Variants in DACH2 observed in about 807,000 individuals in gnomAD.
DACH2 encodes dachshund homolog 2.
DACH2 carries 17 observed loss-of-function variants against 35.8 expected under a neutral mutation model. That is an observed-to-expected ratio of 0.48 (90% CI 0.33 to 0.71). The LOEUF (loss-of-function observed/expected upper bound fraction) is 0.71. Ranked by LOEUF, DACH2 falls within the 30% of genes least tolerant of loss-of-function variation. DACH2 has a pLI of 0.02. For synonymous variants in DACH2, 195 were observed against 177.3 expected (o/e 1.10, Z -0.79); for missense variants, 469 against 472.7 (o/e 0.99, Z 0.07).
At chrX:86,219,758 C>T (rs767984078) in intron 1 of DACH2, among the ~76,000 whole-genome samples, 3 of 110,262 alleles carry the variant, frequency 2.7e-5, no homozygotes, top group South Asian at 7.7e-4. Context: ...AATAGTTACA[C>T]AAAAACTGCA....
chrX:86,787,448 C>T (rs2042148002), intron 7 of DACH2, among the ~76,000 whole-genome samples: 2 of 110,008 alleles, frequency 1.8e-5, no homozygotes, highest in African/African-American at 6.6e-5. Flanking sequence ...AACCCTGTCT[C>T]TACTAAAAAA....
chrX:86,809,247 TA>T (rs1008556194), intron 7 of DACH2, among the ~76,000 whole-genome samples: 2 of 111,443 alleles, frequency 1.8e-5, no homozygotes, highest in Admixed American at 9.6e-5. Context: ...GCTTTTTAAA[TA>T]AAAAAAATCA....
intron 3 of DACH2, among the ~76,000 whole-genome samples, chrX:86,645,444 T>G (rs2040403751): frequency 9.0e-6 from 1 of 111,490 alleles, no homozygotes; most frequent in Admixed American, 9.5e-5. Context: ...ACTTATACAC[T>G]GTTGATGGGA....
intron 3 of DACH2, among the ~76,000 whole-genome samples, chrX:86,545,427 A>G (rs2038944104): frequency 9.0e-6 from 1 of 111,716 alleles, no homozygotes; most frequent in Non-Finnish European, 1.9e-5. Flanking sequence ...GATAAAAAAA[A>G]CTACCTATTA....
intron 3 of DACH2, among the ~76,000 whole-genome samples, chrX:86,529,573 C>T (rs754828931): frequency 3.0e-4 from 32 of 108,457 alleles, no homozygotes; most frequent in Non-Finnish European, 4.8e-4. Context: ...TCCAGGTTCA[C>T]GCCATTCTCC....
At chrX:86,227,904 T>C (rs1021285530) in intron 1 of DACH2, among the ~76,000 whole-genome samples, 1 of 111,610 alleles carries the variant, frequency 9.0e-6, no homozygotes, top group African/African-American at 3.2e-5. Flanking sequence ...ATCTTTGTTT[T>C]TGAGCCAGTC....
At chrX:86,171,621 C>G (rs998922053) in intron 1 of DACH2, among the ~76,000 whole-genome samples, 1 of 111,314 alleles carries the variant, frequency 9.0e-6, no homozygotes, top group Non-Finnish European at 1.9e-5. Context: ...TTTGTCTGCT[C>G]TAACATGACA....
chrX:86,502,875 C>A (rs1266909710), intron 2 of DACH2, among the ~76,000 whole-genome samples: 1 of 111,501 alleles, frequency 9.0e-6, no homozygotes, highest in African/African-American at 3.3e-5. Context: ...TTTTTTTTCT[C>A]ATCAGCTATC....
chrX:86,293,652 G>T (rs898831877), intron 1 of DACH2, among the ~76,000 whole-genome samples: 1 of 110,495 alleles, frequency 9.1e-6, no homozygotes, highest in African/African-American at 3.3e-5. Context: ...TTGCTTGTCT[G>T]TAAAGTATTT....
intron 1 of DACH2, among the ~76,000 whole-genome samples, chrX:86,192,712 G>A (rs772145081): frequency 8.9e-6 from 1 of 112,379 alleles, no homozygotes; most frequent in Non-Finnish European, 1.9e-5. Context: ...TCAATTGCCA[G>A]TAAGTAAATG....
intron 1 of DACH2, among the ~76,000 whole-genome samples, chrX:86,248,731 A>T (rs189363740): frequency 4.7e-4 from 52 of 111,495 alleles, no homozygotes; most frequent in Non-Finnish European, 9.1e-4. Context: ...GAGCTCAAAT[A>T]GCTGAAACAA....
At chrX:86,463,977 C>A (rs1024503163) in intron 2 of DACH2, among the ~76,000 whole-genome samples, 8 of 111,693 alleles carry the variant, frequency 7.2e-5, no homozygotes, top group African/African-American at 2.6e-4. Flanking sequence ...GAGATACCAT[C>A]TCACGCCAGT....
chrX:86,362,432 C>A (rs1426032164), intron 1 of DACH2, among the ~76,000 whole-genome samples: 2 of 111,337 alleles, frequency 1.8e-5, no homozygotes, highest in African/African-American at 6.5e-5. Flanking sequence ...AGGTGATTAG[C>A]TTTAGCCAAA....
chrX:86,568,265 G>A (rs752169738), intron 3 of DACH2, among the ~76,000 whole-genome samples: 91 of 111,322 alleles, frequency 8.2e-4, no homozygotes, highest in African/African-American at 2.8e-3. Flanking sequence ...CACTGACAGT[G>A]AACCCTAATG....
intron 2 of DACH2, among the ~76,000 whole-genome samples, chrX:86,473,499 C>G (rs1356586918): frequency 9.0e-6 from 1 of 111,260 alleles, no homozygotes; most frequent in African/African-American, 3.3e-5. Context: ...ACTATCCCTA[C>G]TTACCTTCCT....
intron 3 of DACH2, among the ~76,000 whole-genome samples, chrX:86,604,285 T>C (rs1385030272): frequency 9.0e-6 from 1 of 111,340 alleles, no homozygotes; most frequent in African/African-American, 3.3e-5. Flanking sequence ...GTAAACCTCT[T>C]TCCAAATTAT....
intron 1 of DACH2, among the ~76,000 whole-genome samples, chrX:86,295,758 A>G (rs2034439074): frequency 9.0e-6 from 1 of 111,252 alleles, no homozygotes; most frequent in Admixed American, 9.6e-5. Flanking sequence ...AGACACAGAA[A>G]TGGTCTCCAC....
intron 4 of DACH2, among the ~76,000 whole-genome samples, chrX:86,681,835 C>T (rs1310943974): frequency 9.2e-6 from 1 of 109,038 alleles, no homozygotes; most frequent in African/African-American, 3.3e-5. Flanking sequence ...TCATTGTTTT[C>T]AATTGTGGAA....
At chrX:86,453,171 G>T (rs1364412304) in intron 2 of DACH2, among the ~76,000 whole-genome samples, 2 of 111,646 alleles carry the variant, frequency 1.8e-5, no homozygotes, top group Non-Finnish European at 3.8e-5. Flanking sequence ...ATTGTGCTGT[G>T]GTCTGAAAGA....
Sources: gnomAD v4.1 joint callset for allele counts (sites outside exome capture counted in the v4.1 genomes callset) on GRCh38, gnomAD v4.1.1 for gene constraint, MANE v1.5 for transcripts, NCBI Gene and HGNC (gene_info 2026-07-23, HGNC 2026-07-21) for gene names.